Variants in WWOX observed in about 807,000 individuals in gnomAD.
WWOX encodes the protein WW domain containing oxidoreductase.
Under a neutral mutation model 46.2 loss-of-function variants are expected in WWOX, and 69 were observed. The observed-to-expected ratio is 1.49, with a 90% CI of 1.23 to 1.82. The LOEUF (loss-of-function observed/expected upper bound fraction) is 1.82. Among genes scored for constraint, WWOX ranks in the 40% most tolerant of loss-of-function variants. The pLI, the probability that WWOX is intolerant of heterozygous loss-of-function variation, is 0.00. For synonymous variants in WWOX, 359 were observed against 202.6 expected (o/e 1.77, Z -6.56); for missense variants, 919 against 542.6 (o/e 1.69, Z -6.89).
chr16:79,028,670 G>C (rs1408849745), intron 8 of WWOX, among the ~76,000 whole-genome samples: 1 of 151,460 alleles, frequency 6.6e-6, no homozygotes, highest in African/African-American at 2.4e-5. Context: ...TGTTTCTTTC[G>C]ACATTACACA....
intron 8 of WWOX, among the ~76,000 whole-genome samples, chr16:79,024,229 C>G (rs1022288285): frequency 2.6e-5 from 4 of 152,136 alleles, no homozygotes; most frequent in African/African-American, 9.7e-5. Context: ...GAACTGTACA[C>G]TTTAAGTGGG....
At chr16:78,910,292 A>T (rs1039847997) in intron 8 of WWOX, among the ~76,000 whole-genome samples, 2 of 150,414 alleles carry the variant, frequency 1.3e-5, no homozygotes, top group Admixed American at 6.6e-5. Context: ...ATGGACTCAC[A>T]TGACAAAATG....
intron 5 of WWOX, among the ~76,000 whole-genome samples, chr16:78,377,587 T>C (rs1160836789): frequency 1.3e-5 from 2 of 152,336 alleles, no homozygotes; most frequent in East Asian, 3.9e-4. Context: ...ACAATCATGT[T>C]GACTGCCAAC....
chr16:78,773,426 A>T (rs2050113853), intron 8 of WWOX, among the ~76,000 whole-genome samples: 1 of 152,176 alleles, frequency 6.6e-6, no homozygotes, highest in Non-Finnish European at 1.5e-5. Context: ...GAGCGCAGAC[A>T]TTTGGCTCCC....
chr16:78,529,825 A>T (rs980731553), intron 8 of WWOX, among the ~76,000 whole-genome samples: 1 of 152,200 alleles, frequency 6.6e-6, no homozygotes, highest in Non-Finnish European at 1.5e-5. Context: ...GGAGCCAGCT[A>T]TACTTACATA....
At chr16:78,437,676 C>G (rs903792764) in intron 8 of WWOX, among the ~76,000 whole-genome samples, 3 of 152,094 alleles carry the variant, frequency 2.0e-5, no homozygotes, top group African/African-American at 7.2e-5. Flanking sequence ...ATAAAAATCA[C>G]AGATAAACTT....
At chr16:79,145,046 T>A (rs771453464) in intron 8 of WWOX, among the ~76,000 whole-genome samples, 2 of 152,320 alleles carry the variant, frequency 1.3e-5, no homozygotes, top group African/African-American at 2.4e-5. Context: ...TAAATTTGCC[T>A]GTAAGTGAGC....
intron 8 of WWOX, among the ~76,000 whole-genome samples, chr16:79,135,909 C>T (rs114382549): frequency 6.6e-6 from 1 of 152,078 alleles, no homozygotes; most frequent in African/African-American, 2.4e-5. Context: ...TATAAGATTG[C>T]TCTCATTTAC....
At chr16:78,792,457 A>C (rs2737303) in intron 8 of WWOX, among the ~76,000 whole-genome samples, 1 of 152,066 alleles carries the variant, frequency 6.6e-6, no homozygotes, top group Non-Finnish European at 1.5e-5. Context: ...ATATGGTCGT[A>C]CTCCAGGGTG....
intron 8 of WWOX, among the ~76,000 whole-genome samples, chr16:78,995,326 C>T (rs529918911): frequency 6.6e-6 from 1 of 152,122 alleles, no homozygotes; most frequent in Non-Finnish European, 1.5e-5. Flanking sequence ...ATTCCCTCCC[C>T]TCTCCTGCCT....
intron 5 of WWOX, among the ~76,000 whole-genome samples, chr16:78,380,243 G>T (rs1037407571): frequency 1.3e-5 from 2 of 152,150 alleles, no homozygotes; most frequent in Non-Finnish European, 1.5e-5. Flanking sequence ...GGGGATGAGA[G>T]GACAGGTACA....
intron 5 of WWOX, among the ~76,000 whole-genome samples, chr16:78,308,709 T>C (rs981584899): frequency 6.6e-6 from 1 of 152,150 alleles, no homozygotes; most frequent in East Asian, 1.9e-4. Flanking sequence ...ATAAGAGATA[T>C]TTACCATTTA....
chr16:78,281,485 G>T (rs1458764260), intron 5 of WWOX, among the ~76,000 whole-genome samples: 4 of 152,088 alleles, frequency 2.6e-5, no homozygotes. Flanking sequence ...GGTCATTACT[G>T]GCTGACAAAA....
At chr16:78,403,362 G>A (rs1337006101) in intron 6 of WWOX, among the ~76,000 whole-genome samples, 1 of 152,138 alleles carries the variant, frequency 6.6e-6, no homozygotes, top group Non-Finnish European at 1.5e-5. Context: ...ATTCTATAAA[G>A]TTATTAAAAA....
chr16:78,809,443 C>T (rs1040986650), intron 8 of WWOX, among the ~76,000 whole-genome samples: 4 of 151,810 alleles, frequency 2.6e-5, no homozygotes, highest in Admixed American at 6.6e-5. Flanking sequence ...GAGATGAAAT[C>T]ACTTCTTAAT....
At chr16:78,310,029 T>C (rs779483211) in intron 5 of WWOX, among the ~76,000 whole-genome samples, 6 of 152,002 alleles carry the variant, frequency 3.9e-5, no homozygotes, top group East Asian at 1.9e-4. Flanking sequence ...TGCACAATTA[T>C]TGTCATTATC....
At chr16:78,794,515 C>A (rs1017562958) in intron 8 of WWOX, among the ~76,000 whole-genome samples, 2 of 152,160 alleles carry the variant, frequency 1.3e-5, no homozygotes, top group South Asian at 4.1e-4. Flanking sequence ...CTCTGAATAC[C>A]AATTTTCTCA....
intron 4 of WWOX, among the ~76,000 whole-genome samples, chr16:78,144,897 G>A (rs1466289197): frequency 1.3e-5 from 2 of 152,120 alleles, no homozygotes; most frequent in African/African-American, 4.8e-5. Context: ...AGAATTTGCT[G>A]CTTGCCAAGA....
chr16:78,966,691 G>C (rs1437518777), intron 8 of WWOX, among the ~76,000 whole-genome samples: 1 of 152,156 alleles, frequency 6.6e-6, no homozygotes, highest in African/African-American at 2.4e-5. Flanking sequence ...CTGAGTCAAA[G>C]GGTGCACACT....
Sources: gnomAD v4.1 joint callset for allele counts (sites outside exome capture counted in the v4.1 genomes callset) on GRCh38, gnomAD v4.1.1 for gene constraint, MANE v1.5 for transcripts, NCBI Gene and HGNC (gene_info 2026-07-23, HGNC 2026-07-21) for gene names.